Variants in PHKB observed in about 807,000 individuals in gnomAD.
PHKB encodes phosphorylase kinase regulatory subunit beta, also known as phosphorylase b kinase regulatory subunit beta.
Under a neutral mutation model 152.1 loss-of-function variants are expected in PHKB, and 122 were observed. That is an observed-to-expected ratio of 0.80 (90% CI 0.69 to 0.93). The LOEUF (loss-of-function observed/expected upper bound fraction) is 0.93, where lower values mean the gene tolerates loss of function less well. PHKB is among the 40% of genes least tolerant of loss of function. The pLI is 0.00. For synonymous variants in PHKB, 436 were observed against 464.9 expected, an observed-to-expected ratio of 0.94 and a Z score of 0.80; for missense variants, 1,304 against 1,328.4, an observed-to-expected ratio of 0.98 and a Z score of 0.29.
intron 14 of PHKB, among the ~76,000 whole-genome samples, chr16:47,637,524 A>G (rs1972942938): frequency 6.6e-6 from 1 of 152,126 alleles, no homozygotes; most frequent in African/African-American, 2.4e-5. Context: ...GCAAAGCAAC[A>G]CCCCAAGGAT....
chr16:47,631,605 T>C (rs889522485), intron 14 of PHKB, among the ~76,000 whole-genome samples: 33 of 152,168 alleles, frequency 2.2e-4, no homozygotes, highest in African/African-American at 7.0e-4. Flanking sequence ...ATTAGGTATT[T>C]CTCCCAATGC....
chr16:47,684,133 A>G (rs1458740624), intron 26 of PHKB, among the ~76,000 whole-genome samples: 5 of 151,306 alleles, frequency 3.3e-5, no homozygotes, highest in Admixed American at 3.3e-4. Flanking sequence ...CAGGAGTTTG[A>G]GACCAGTTGG....
chr16:47,599,946 C>A (rs1972192666), intron 13 of PHKB, among the ~76,000 whole-genome samples: 1 of 152,156 alleles, frequency 6.6e-6, no homozygotes, highest in Non-Finnish European at 1.5e-5. Context: ...ATTCCAGATA[C>A]AAATTTACTT....
At chr16:47,560,337 A>G (rs1209814304) in intron 7 of PHKB, among the ~76,000 whole-genome samples, 1 of 152,226 alleles carries the variant, frequency 6.6e-6, no homozygotes, top group Non-Finnish European at 1.5e-5. Context: ...ATATTAAAGG[A>G]GACCTAAATA....
intron 13 of PHKB, among the ~76,000 whole-genome samples, chr16:47,607,614 T>G (rs866278034): frequency 2.0e-5 from 3 of 152,252 alleles, no homozygotes; most frequent in Non-Finnish European, 2.9e-5. Flanking sequence ...TTGCACTTCT[T>G]AGCTATTATG....
chr16:47,564,690 A>G (rs1971534861), intron 7 of PHKB, among the ~76,000 whole-genome samples: 2 of 152,056 alleles, frequency 1.3e-5, no homozygotes, highest in Admixed American at 1.3e-4. Context: ...TGTCCAGAAG[A>G]GTTTTTCCAG....
chr16:47,599,313 C>G (rs1972179165), intron 13 of PHKB, among the ~76,000 whole-genome samples: 1 of 152,086 alleles, frequency 6.6e-6, no homozygotes, highest in Non-Finnish European at 1.5e-5. Flanking sequence ...GAAATTAAAA[C>G]CTTCTTTATC....
At position 47,546,452 on chromosome 16, in the gene PHKB, C is replaced by A. The variant is rs11860314; in HGVS notation, c.595-981C>A. On this transcript the variant is annotated intron_variant, in intron 6 of 30. Coordinates refer to ENST00000323584, the MANE Select transcript of PHKB (RefSeq NM_000293.3). ...AGCAAATATTGCAGAACAACAAATA[C>A]TGCTGCCTGAACCTTCCTCTGGAAG... 7.5e-3 allele frequency among the ~76,000 whole-genome samples: 1,143 copies of A among 152,284 alleles called. 19 individuals are homozygous for A. Among genetic ancestry groups the A allele is most frequent in the African/African-American group, 0.026 (1,083 of 41,560 alleles).
rs759760999 is a variant in PHKB, at chr16:47,699,212, ACTGTTTTC to A, written c.3145-14_3145-7del. 1.3e-5 allele frequency: 21 copies of A among 1,613,202 alleles called. No homozygotes were observed. The highest frequency in any genetic ancestry group is 1.7e-5 in the Non-Finnish European group (20 of 1,179,294). Reference sequence around the variant, plus strand: ...AAACAGAAGATCGAATGCCTTGCCTACTGTTTTCCTTTGTAGGATGACATGACTTCCTT... The same window carrying A: ...AAACAGAAGATCGAATGCCTTGCCTACTTTGTAGGATGACATGACTTCCTT... On this transcript the variant is annotated splice_polypyrimidine_tract_variant and intron_variant, in intron 30 of 30. Transcript: ENST00000323584.
chr16:47,641,872 C>A (rs868454721), intron 16 of PHKB, among the ~76,000 whole-genome samples, 180 bp downstream of exon 16: 3 of 151,732 alleles, frequency 2.0e-5, no homozygotes, highest in African/African-American at 4.8e-5. Context: ...AAAAAAAAAA[C>A]TTTGCACTGT....
intron 26 of PHKB, among the ~76,000 whole-genome samples, chr16:47,670,124 C>T (rs1169021714): frequency 6.6e-6 from 1 of 152,162 alleles, no homozygotes; most frequent in Non-Finnish European, 1.5e-5. Context: ...AAGTCTATGA[C>T]AAGCTAAGGA....
chr16:47,663,727 A>C lies in PHKB; in HGVS notation c.2329A>C (p.Lys777Gln), dbSNP rs1420687967. 3.1e-6 allele frequency: 5 copies of C among 1,605,178 alleles called. No individual in the cohort carries two copies. Among genetic ancestry groups the C allele is most frequent in the Non-Finnish European group, 4.3e-6 (5 of 1,171,950 alleles). Residue 777 changes from lysine to glutamine, a missense_variant, in exon 24 of 31, where the codon AAA becomes CAA. Transcript: ENST00000323584. The stretch of plus-strand genomic sequence containing the variant: ...AGTCTATAGAAGAGCTGGCAGCCAA[A>C]AACTTTGGTTTGTATTAGTGTCCTT... ...ERVYRRAGSQKLWLAVRYGAA... is the reference protein window; with the variant it reads ...ERVYRRAGSQQLWLAVRYGAA...
At chr16:47,696,523 G>A (rs758885002) in intron 29 of PHKB, 35 bp downstream of exon 29, 14 of 1,134,608 alleles carry the variant, frequency 1.2e-5, no homozygotes, top group Non-Finnish European at 1.8e-5. Context: ...CTGAATAAAT[G>A]CCTTCTCTCT....
chr16:47,529,925 GAA>G (rs2151661060), intron 6 of PHKB: 1 of 152,126 alleles, frequency 6.6e-6, no homozygotes, highest in African/African-American at 2.4e-5. Flanking sequence ...AATTAAGGAA[GAA>G]AGAAAAACCA....
intron 1 of PHKB, among the ~76,000 whole-genome samples, chr16:47,476,937 A>G (rs1006831597): frequency 9.9e-5 from 15 of 152,166 alleles, no homozygotes; most frequent in Admixed American, 3.3e-4. Flanking sequence ...CTGGATACCT[A>G]TCCAGCCTCC....
Position 47,499,756 on chromosome 16 carries a change from T to G in PHKB, c.167T>G (p.Val56Gly). Residue 56 changes from valine (V) to glycine (G), a missense_variant and splice_region_variant, in exon 3 of 31, where the codon GTC (valine) becomes GGC (glycine). Transcript: ENST00000323584. ...TTCTTTGTCTTGTCCTCAATTGCAGTCAAGTCAACATTGCTGCTGTATCAA... is the reference window on the plus strand; with the variant it reads ...TTCTTTGTCTTGTCCTCAATTGCAGGCAAGTCAACATTGCTGCTGTATCAA... The part of the protein sequence containing the change: ...WDKLDHYYRI[V>G]KSTLLLYQSP... The G allele has an allele frequency of 6.2e-7, 1 of 1,614,108 alleles. No individual in the cohort carries two copies. Among genetic ancestry groups the G allele is most frequent in the Non-Finnish European group, 8.5e-7 (1 of 1,179,926 alleles).
chr16:47,512,328 C>G (rs62061086), intron 5 of PHKB, among the ~76,000 whole-genome samples: 86 of 152,096 alleles, frequency 5.7e-4, no homozygotes, highest in Non-Finnish European at 9.4e-4. Flanking sequence ...AATTCTTGGT[C>G]TTCAAGCAAA....
intron 25 of PHKB, chr16:47,665,751 C>T: frequency 1.5e-6 from 1 of 664,654 alleles, no homozygotes; most frequent in Non-Finnish European, 2.8e-6. Context: ...AGGGATCCCT[C>T]CCTAATTCTG....
At chr16:47,659,182 G>A (rs1037182999) in intron 20 of PHKB, among the ~76,000 whole-genome samples, 1 of 152,082 alleles carries the variant, frequency 6.6e-6, no homozygotes, top group East Asian at 1.9e-4. Context: ...ACTCAAGGAA[G>A]CTTTATTATG....
Sources: gnomAD v4.1 joint callset for allele counts (sites outside exome capture counted in the v4.1 genomes callset) on GRCh38, gnomAD v4.1.1 for gene constraint, MANE v1.5 for transcripts, NCBI Gene and HGNC (gene_info 2026-07-23, HGNC 2026-07-21) for gene names.